GAB2: variants seen among roughly 807,000 people sequenced by gnomAD.
The protein encoded by GAB2 is GRB2 associated binding protein 2, also known as GRB2-associated-binding protein 2.
Under a neutral mutation model 65.5 loss-of-function variants are expected in GAB2, and 26 were observed. The ratio of observed to expected loss-of-function variants is 0.40; its 90% CI spans 0.29 to 0.55. The LOEUF (loss-of-function observed/expected upper bound fraction) is 0.55. GAB2 is among the 20% of genes least tolerant of loss of function. GAB2 has a pLI of 0.53. For missense variants in GAB2, 884 were observed against 875.8 expected, an observed-to-expected ratio of 1.01 and a Z score of -0.12; for synonymous variants, 321 against 329.6, an observed-to-expected ratio of 0.97 and a Z score of 0.28.
chr11:78,417,761 G>T lies in GAB2; in HGVS notation c.-41C>A. On this transcript the variant is annotated 5_prime_UTR_variant, in exon 1 of 10. Coordinates refer to ENST00000361507, the MANE Select transcript of GAB2 (RefSeq NM_080491.3). ...CCCCCCGCCGGGTCGCGCGGACGAG[G>T]GCGCGGGCTCGGGCAGCTGGGGCAG... is the stretch of plus-strand genomic sequence containing the variant. 8 of 1,118,284 alleles carry T rather than the reference G, an allele frequency of 7.2e-6. No individual in the cohort carries two copies. The highest frequency in any genetic ancestry group is 8.9e-6 in the Non-Finnish European group (8 of 898,100). The allele number at this position is 1,118,284 out of a possible 1,614,324, so 69.3% of individuals were successfully genotyped here. A position where few individuals can be genotyped will look rare whatever the true frequency, so the allele number is the denominator to read the frequency against.
intron 2 of GAB2, among the ~76,000 whole-genome samples, chr11:78,265,212 A>ATATATATATATG (rs1240759523): frequency 1.3e-5 from 2 of 149,536 alleles, no homozygotes; most frequent in Non-Finnish European, 3.0e-5. Flanking sequence ...ACATATATAT[A>ATATATATATATG]TATATATATA....
chr11:78,409,342 T>C (rs1385890132), intron 1 of GAB2, among the ~76,000 whole-genome samples: 1 of 152,182 alleles, frequency 6.6e-6, no homozygotes, highest in Non-Finnish European at 1.5e-5. Flanking sequence ...CCCAGCACTT[T>C]GGGAGGCCGA....
intron 1 of GAB2, among the ~76,000 whole-genome samples, chr11:78,316,958 A>AAAGG (rs1196209463): frequency 6.6e-6 from 1 of 152,240 alleles, no homozygotes; most frequent in Non-Finnish European, 1.5e-5. Flanking sequence ...TCAGCCTTAA[A>AAAGG]AAGGAAGGAA....
At chr11:78,286,165 G>C (rs890035041) in intron 1 of GAB2, among the ~76,000 whole-genome samples, 2 of 152,068 alleles carry the variant, frequency 1.3e-5, no homozygotes, top group Non-Finnish European at 2.9e-5. Context: ...GAATTTACAG[G>C]AGCACTAAAA....
chr11:78,256,934 C>T (rs772950602), intron 2 of GAB2, among the ~76,000 whole-genome samples: 5 of 152,126 alleles, frequency 3.3e-5, no homozygotes, highest in Non-Finnish European at 5.9e-5. Context: ...GACTCCTGGC[C>T]TGAGCTTCTA....
chr11:78,401,166 T>C (rs1304649239), intron 1 of GAB2, among the ~76,000 whole-genome samples: 1 of 152,120 alleles, frequency 6.6e-6, no homozygotes, highest in African/African-American at 2.4e-5. Context: ...TATCATCTTA[T>C]CATTTTTAAG....
chr11:78,231,644 G>A (rs1294546322), intron 3 of GAB2, among the ~76,000 whole-genome samples: 1 of 152,144 alleles, frequency 6.6e-6, no homozygotes, highest in Non-Finnish European at 1.5e-5. Context: ...CACTGTGCCC[G>A]GCCTTCCCTT....
chr11:78,224,269 T>C (rs992478229), intron 5 of GAB2, among the ~76,000 whole-genome samples: 1 of 152,196 alleles, frequency 6.6e-6, no homozygotes, highest in African/African-American at 2.4e-5. Flanking sequence ...GTGGGTGGCA[T>C]AGTCCATAGA....
chr11:78,300,696 T>TA (rs1565149749), intron 1 of GAB2, among the ~76,000 whole-genome samples: 2 of 94,720 alleles, frequency 2.1e-5, no homozygotes. Flanking sequence ...TTTTTTTTTG[T>TA]TTTTTTTTTT....
chr11:78,306,873 C>T (rs1025539342), intron 1 of GAB2, among the ~76,000 whole-genome samples: 1 of 152,286 alleles, frequency 6.6e-6, no homozygotes, highest in Non-Finnish European at 1.5e-5. Flanking sequence ...CACATTCCAT[C>T]CATCTCACAT....
chr11:78,345,761 A>G (rs1378015726), intron 1 of GAB2, among the ~76,000 whole-genome samples: 18 of 152,222 alleles, frequency 1.2e-4, no homozygotes, highest in Non-Finnish European at 2.6e-4. Flanking sequence ...CTGAAATGCA[A>G]AGAAAATTCT....
chr11:78,257,443 G>A (rs1243123115), intron 2 of GAB2, among the ~76,000 whole-genome samples: 1 of 152,180 alleles, frequency 6.6e-6, no homozygotes, highest in Non-Finnish European at 1.5e-5. Flanking sequence ...TGTAGCCTTG[G>A]ATATGTTAAT....
intron 6 of GAB2, among the ~76,000 whole-genome samples, 182 bp from the exon 7 acceptor site, chr11:78,222,377 T>C (rs1864471110): frequency 1.3e-5 from 2 of 152,148 alleles, no homozygotes; most frequent in Admixed American, 1.3e-4. Flanking sequence ...CTTGAAGTCA[T>C]GTCTTCAGAT....
chr11:78,390,644 A>G (rs1856822780), intron 1 of GAB2, among the ~76,000 whole-genome samples: 1 of 152,180 alleles, frequency 6.6e-6, no homozygotes, highest in African/African-American at 2.4e-5. Flanking sequence ...TTCTCAGTGT[A>G]TAGAGACTTT....
intron 3 of GAB2, 69 bp downstream of exon 3, chr11:78,250,088 C>A (rs1865405618): frequency 2.0e-6 from 3 of 1,507,702 alleles, no homozygotes; most frequent in Non-Finnish European, 9.2e-7. Context: ...TTTAAAAAAG[C>A]AAGGACTGAA....
intron 1 of GAB2, among the ~76,000 whole-genome samples, chr11:78,403,320 C>G (rs1856998398): frequency 1.3e-5 from 2 of 152,314 alleles, no homozygotes; most frequent in Non-Finnish European, 2.9e-5. Context: ...AGTTAAACTG[C>G]AGGATAATTA....
At chr11:78,291,897 TG>T (rs1022770785) in intron 1 of GAB2, among the ~76,000 whole-genome samples, 4 of 152,166 alleles carry the variant, frequency 2.6e-5, no homozygotes, top group Non-Finnish European at 5.9e-5. Flanking sequence ...AAACATGATA[TG>T]GTAACACCTC....
At chr11:78,285,282 A>G (rs1565142542) in intron 1 of GAB2, among the ~76,000 whole-genome samples, 1 of 152,218 alleles carries the variant, frequency 6.6e-6, no homozygotes, top group Non-Finnish European at 1.5e-5. Flanking sequence ...AGACACCCTC[A>G]TGAACAAGAA....
chr11:78,358,395 G>A (rs1325850403), intron 1 of GAB2, among the ~76,000 whole-genome samples: 1 of 146,034 alleles, frequency 6.8e-6, no homozygotes, highest in Non-Finnish European at 1.5e-5. Flanking sequence ...GTACACATAT[G>A]TAACAAACCT....
Sources: allele counts gnomAD v4.1 joint callset (sites outside exome capture counted in the v4.1 genomes callset), GRCh38; gene constraint gnomAD v4.1.1; transcripts MANE v1.5; gene names NCBI Gene and HGNC (gene_info 2026-07-23, HGNC 2026-07-21).